LRP8: variants seen among roughly 807,000 people sequenced by gnomAD.
LRP8 encodes the protein LDL receptor related protein 8.
In LRP8, 46 loss-of-function variants were observed where a neutral mutation model predicts 111.6. The ratio of observed to expected loss-of-function variants is 0.41; its 90% CI spans 0.33 to 0.53. LRP8 has a LOEUF of 0.53. Ranked by LOEUF, LRP8 falls within the 20% of genes least tolerant of loss-of-function variation. The pLI, the probability that LRP8 is intolerant of heterozygous loss-of-function variation, is 0.20. For synonymous variants in LRP8, 464 were observed against 511.2 expected (o/e 0.91, Z 1.24); for missense variants, 959 against 1,297.4 (o/e 0.74, Z 4.01).
Position 53,304,972 on chromosome 1 carries a change from C to T in LRP8, c.245-15283G>A, listed in dbSNP as rs146845383. On this transcript the variant is annotated intron_variant, in intron 2 of 18. Transcript: ENST00000306052. The stretch of plus-strand genomic sequence containing the variant: ...AGGGGTTCTGAGCCAGCATGGCTCC[C>T]CCAGTAAGACAGGTCCCACTACAGC... 489 of 152,404 alleles carry T rather than the reference C, an allele frequency of 3.2e-3. 2 individuals are homozygous for T. The highest frequency in any genetic ancestry group is 4.8e-3 in the Non-Finnish European group (327 of 68,102). The allele number at this position is 152,404 out of a possible 1,614,324, so 9.4% of individuals were successfully genotyped here. A position where few individuals can be genotyped will look rare whatever the true frequency, so the allele number is the denominator to read the frequency against.
intron 2 of LRP8, among the ~76,000 whole-genome samples, chr1:53,313,234 T>C (rs914251452): frequency 6.6e-6 from 1 of 152,190 alleles, no homozygotes; most frequent in African/African-American, 2.4e-5. Context: ...CCCCAGGTTC[T>C]GGCAGGGCAC....
At chr1:53,315,288 C>T (rs1442582318) in intron 2 of LRP8, among the ~76,000 whole-genome samples, 3 of 152,190 alleles carry the variant, frequency 2.0e-5, no homozygotes, top group Admixed American at 1.3e-4. Context: ...CTACTCCACC[C>T]CGCAGTGCAG....
chr1:53,254,452 C>G (rs1646005010), intron 16 of LRP8, among the ~76,000 whole-genome samples: 1 of 151,928 alleles, frequency 6.6e-6, no homozygotes, highest in South Asian at 2.1e-4. Context: ...CCCTCTTCCC[C>G]CTCCCCCAGC....
chr1:53,291,229 G>T (rs1285328824), intron 2 of LRP8, among the ~76,000 whole-genome samples: 2 of 152,048 alleles, frequency 1.3e-5, no homozygotes, highest in African/African-American at 4.8e-5. Flanking sequence ...ACGGCAGGGG[G>T]GTCTCTTTTC....
At position 53,294,009 on chromosome 1, in the gene LRP8, C is replaced by T. The variant is rs1430312723; in HGVS notation, c.245-4320G>A. 6.6e-6 allele frequency among the ~76,000 whole-genome samples: 1 copy of T among 152,192 alleles called. No homozygotes were observed. The highest frequency in any genetic ancestry group is 1.5e-5 in the Non-Finnish European group (1 of 68,030). ...TCCCTCGTGAAGAGACCATATCAGC[C>T]CTGCCATGAGATGAGGGCTGTGCCG... is the stretch of plus-strand genomic sequence containing the variant. On this transcript the variant is annotated intron_variant, in intron 2 of 18. Coordinates refer to ENST00000306052, the MANE Select transcript of LRP8 (RefSeq NM_004631.5). This position sits in a 1 kb window ranked among gnomAD's most constrained non-coding sequence, Gnocchi z 4.1.
intron 13 of LRP8, among the ~76,000 whole-genome samples, chr1:53,260,032 C>T (rs919221594): frequency 2.0e-5 from 3 of 152,160 alleles, no homozygotes; most frequent in African/African-American, 7.2e-5. Context: ...ATATGGCCCT[C>T]GGATACATTA....
chr1:53,321,044 G>C (rs942853551), intron 2 of LRP8, among the ~76,000 whole-genome samples: 2 of 152,244 alleles, frequency 1.3e-5, no homozygotes, highest in African/African-American at 4.8e-5. Context: ...GAAGTTAAAG[G>C]ATGTGAATTG....
In LRP8 at chr1:53,258,321, C is replaced by T. The variant is rs5172; in HGVS notation, c.2207G>A (p.Arg736Gln). ...WLGPDMKRCY[R>Q]APQSTSTTTL... ...TCCCTCCTGGAAGGTCTGCTTACCT[C>T]GGTAGCACCTCTTCATGTCTGGACC... The change falls in exon 14 of 19, where the codon CGA becomes CAA. Residue 736 changes from arginine to glutamine, a missense_variant and splice_region_variant. Transcript: ENST00000306052. The T allele has an allele frequency of 7.4e-4, 1,189 of 1,613,604 alleles. 9 individuals carry two copies. The African/African-American group carries it at 0.013, about 17-fold the overall frequency.
At chr1:53,323,380 A>C (rs980503680) in intron 2 of LRP8, among the ~76,000 whole-genome samples, 3 of 152,268 alleles carry the variant, frequency 2.0e-5, no homozygotes, top group Admixed American at 6.5e-5. Context: ...GTGCCCAGAC[A>C]GCGTTCATCG....
intron 2 of LRP8, among the ~76,000 whole-genome samples, chr1:53,313,186 C>T (rs1164782725): frequency 6.6e-6 from 1 of 152,184 alleles, no homozygotes; most frequent in African/African-American, 2.4e-5. Flanking sequence ...GGGGCTGGTG[C>T]CCCCAGGGCG....
At chr1:53,327,150 G>T in intron 1 of LRP8, 158 bp from the exon 2 acceptor site, 1 of 985,134 alleles carries the variant, frequency 1.0e-6, no homozygotes, top group Non-Finnish European at 1.5e-6. Context: ...GGGAGGGCAC[G>T]ATGGCAGGGG....
rs1365496970 is a variant in LRP8, at chr1:53,246,264, C to T, written c.*754G>A. The T allele has an allele frequency of 6.6e-6, 1 of 152,114 alleles. No individual in the cohort carries two copies. The highest frequency in any genetic ancestry group is 1.5e-5 in the Non-Finnish European group (1 of 68,020). 9.4% of individuals were successfully genotyped at this position (152,114 alleles called of 1,614,324 possible). A position where few individuals can be genotyped will look rare whatever the true frequency, so the allele number is the denominator to read the frequency against. ...AAACCATGGTATCTATTTTCTGATC[C>T]AGATTTCCAAAGGCTTTTCTGAAAA... is the stretch of plus-strand genomic sequence containing the variant. On this transcript the variant is annotated 3_prime_UTR_variant, in exon 19 of 19. Transcript: ENST00000306052.
rs72895338 is a variant in LRP8 at position 53,281,836 on chromosome 1, A to G, written c.368-1121T>C. ...CCCAGCCCAGTGCTCACTAAATGTT[A>G]CCTACTATGATTATCCACACATACC... On this transcript the variant is annotated intron_variant, in intron 3 of 18. Transcript: ENST00000306052. 8.1e-3 allele frequency among the ~76,000 whole-genome samples: 1,240 copies of G among 152,306 alleles called. 14 individuals are homozygous for G. The highest frequency in any genetic ancestry group is 0.028 in the African/African-American group (1,156 of 41,562).
In LRP8 at chr1:53,276,949, C is replaced by G. The variant is rs1205921531; in HGVS notation, c.626G>C (p.Arg209Pro). ...GCCATCGCCGCCGCAGCGGAACTCG[C>G]GGGGCCCGCAGGCCGGGTCTGCACA... ...RGCADPACGP[R>P]EFRCGGDGGG... Residue 209 changes from arginine to proline, a missense_variant, in exon 5 of 19, where the codon CGC becomes CCC. By Grantham distance (103) the Arg-to-Pro change is moderately radical. Around this residue, in one of 3 missense-constraint regions of LRP8, gnomAD observed 819 missense variants for 1,097.6 expected, o/e 0.75. Transcript: ENST00000306052. 2.0e-5 allele frequency: 29 copies of G among 1,470,748 alleles called. No individual in the cohort carries two copies. The East Asian group carries it at 8.6e-4, about 44-fold the overall frequency. 91.1% of individuals were successfully genotyped at this position (1,470,748 alleles called of 1,614,324 possible).
chr1:53,271,495 T>C, intron 6 of LRP8, 149 bp from the exon 7 acceptor site: 1 of 833,082 alleles, frequency 1.2e-6, no homozygotes, highest in Non-Finnish European at 1.9e-6. Flanking sequence ...AGCCTCAGCC[T>C]CATCTACCAG....
chr1:53,322,750 G>C (rs1654680032), intron 2 of LRP8, among the ~76,000 whole-genome samples: 1 of 152,218 alleles, frequency 6.6e-6, no homozygotes, highest in South Asian at 2.1e-4. Context: ...GCTGGGTCCA[G>C]TGTCAGGAGC....
At chr1:53,281,418 G>C (rs1258407890) in intron 3 of LRP8, among the ~76,000 whole-genome samples, 1 of 152,260 alleles carries the variant, frequency 6.6e-6, no homozygotes, top group Non-Finnish European at 1.5e-5. Flanking sequence ...CTCTTATCAT[G>C]AGTTTCTGCT....
chr1:53,274,566 G>A (rs1209370820), intron 6 of LRP8: 3 of 400,600 alleles, frequency 7.5e-6, no homozygotes, highest in Admixed American at 2.7e-5. Flanking sequence ...GCCATAGGAC[G>A]GCACATGAAT....
At chr1:53,313,656 G>C (rs1387659768) in intron 2 of LRP8, among the ~76,000 whole-genome samples, 2 of 152,158 alleles carry the variant, frequency 1.3e-5, no homozygotes, top group Non-Finnish European at 2.9e-5. Flanking sequence ...CCAGGCTAGG[G>C]GCCTGCATGC....
Sources: gnomAD v4.1 joint callset for allele counts (sites outside exome capture counted in the v4.1 genomes callset) on GRCh38, gnomAD v4.1.1 for gene constraint, gnomAD v4.1.1 regional missense constraint, Gnocchi (gnomAD v3.1) non-coding constraint, MANE v1.5 for transcripts, NCBI Gene and HGNC (gene_info 2026-07-23, HGNC 2026-07-21) for gene names.